The following BRINP3 variants were observed in gnomAD, a reference collection of about 807,000 sequenced individuals.
BRINP3 encodes BMP/retinoic acid inducible neural specific 3.
A neutral mutation model predicts 71.0 loss-of-function variants in BRINP3; 19 were observed. That is an observed-to-expected ratio of 0.27 (90% CI 0.19 to 0.39). The LOEUF is 0.39. Among genes scored for constraint, BRINP3 ranks in the 10% least tolerant of loss-of-function variants. The pLI, the probability that BRINP3 is intolerant of heterozygous loss-of-function variation, is 1.00. For synonymous variants in BRINP3, 380 were observed against 337.7 expected, an observed-to-expected ratio of 1.13 and a Z score of -1.37; for missense variants, 959 against 940.8, an observed-to-expected ratio of 1.02 and a Z score of -0.25.
In BRINP3 at chr1:190,301,198, C is replaced by CATATATATATATAT. The variant is rs1390064895; in HGVS notation, c.237-19449_237-19448insATATATATATATAT. On this transcript the variant is annotated intron_variant, in intron 2 of 7. Transcript: ENST00000367462. ...ATACATATATATATGTATATATATA[C>CATATATATATATAT]ACATACATATATATATATATATATA... is the stretch of plus-strand genomic sequence containing the variant. Among the ~76,000 whole-genome samples, 23 of 26,740 alleles carry CATATATATATATAT rather than the reference C, an allele frequency of 8.6e-4. No individual in the cohort carries two copies. The East Asian group carries it at 0.02, about 23-fold the overall frequency. 17.5% of individuals were successfully genotyped at this position (26,740 alleles called of 152,430 possible).
chr1:190,121,643 G>C (rs1386823475), intron 7 of BRINP3, among the ~76,000 whole-genome samples: 4 of 152,078 alleles, frequency 2.6e-5, no homozygotes, highest in Admixed American at 6.6e-5. Flanking sequence ...CCTTGCATAA[G>C]CATTAATATA....
At chr1:190,195,512 A>AT (rs1382973057) in intron 6 of BRINP3, among the ~76,000 whole-genome samples, 2 of 151,844 alleles carry the variant, frequency 1.3e-5, no homozygotes, top group Non-Finnish European at 2.9e-5. Flanking sequence ...AAATAATCTT[A>AT]TTTTTTTACT....
intron 2 of BRINP3, among the ~76,000 whole-genome samples, chr1:190,331,466 T>G (rs1218193003): frequency 6.6e-6 from 1 of 152,038 alleles, no homozygotes; most frequent in Non-Finnish European, 1.5e-5. Flanking sequence ...CTGATTCTCA[T>G]GCAGTGTATG....
intron 4 of BRINP3, among the ~76,000 whole-genome samples, chr1:190,250,892 G>T (rs757619607): frequency 2.7e-4 from 41 of 151,804 alleles, no homozygotes; most frequent in Admixed American, 5.9e-4. Context: ...TTTAATACAG[G>T]ATTCTTGTAT....
rs558777521 is a variant in BRINP3 at position 190,334,545 on chromosome 1, A to C, written c.237-52795T>G. 2.0e-5 allele frequency among the ~76,000 whole-genome samples: 3 copies of C among 151,916 alleles called. No individual in the cohort carries two copies. The South Asian group carries it at 6.2e-4, about 31-fold the overall frequency. ...AGGTGCATGACTCTTATCCTTGAAT[A>C]AGGTGAGATTATATTCACTATATAT... On this transcript the variant is annotated intron_variant, in intron 2 of 7. Coordinates refer to ENST00000367462, the MANE Select transcript of BRINP3 (RefSeq NM_199051.3).
At chr1:190,157,981 A>T (rs926713822) in intron 7 of BRINP3, among the ~76,000 whole-genome samples, 2 of 152,134 alleles carry the variant, frequency 1.3e-5, no homozygotes, top group African/African-American at 4.8e-5. Context: ...ATGCAGCTTG[A>T]GGCCATTATC....
intron 7 of BRINP3, among the ~76,000 whole-genome samples, chr1:190,144,049 TC>T (rs1403172701): frequency 6.6e-6 from 1 of 152,150 alleles, no homozygotes; most frequent in Non-Finnish European, 1.5e-5. Flanking sequence ...GGGAAAATCC[TC>T]CCTATTTGTT....
chr1:190,104,868 C>G (rs747192430), intron 7 of BRINP3, among the ~76,000 whole-genome samples: 1 of 152,078 alleles, frequency 6.6e-6, no homozygotes, highest in Non-Finnish European at 1.5e-5. Flanking sequence ...TCCTTTATTG[C>G]TCTCCAAATC....
At chr1:190,175,059 T>C (rs1652384464) in intron 6 of BRINP3, among the ~76,000 whole-genome samples, 1 of 152,172 alleles carries the variant, frequency 6.6e-6, no homozygotes, top group Non-Finnish European at 1.5e-5. Context: ...GAGAGCCCGA[T>C]GCTTTGCAGA....
intron 2 of BRINP3, among the ~76,000 whole-genome samples, chr1:190,327,048 T>A (rs1666626235): frequency 6.7e-6 from 1 of 149,072 alleles, no homozygotes. Context: ...TGGCACGGTG[T>A]CTCATGCCTG....
At chr1:190,100,041 T>G (rs982980048) in intron 7 of BRINP3, among the ~76,000 whole-genome samples, 13 of 152,198 alleles carry the variant, frequency 8.5e-5, no homozygotes, top group Admixed American at 6.5e-5. Flanking sequence ...ACTGCATGTA[T>G]GATCATGGGA....
intron 6 of BRINP3, among the ~76,000 whole-genome samples, chr1:190,193,860 A>G (rs948428612): frequency 6.6e-6 from 1 of 152,086 alleles, no homozygotes; most frequent in Non-Finnish European, 1.5e-5. Flanking sequence ...TAGGGCTCCT[A>G]TCTCCCAGGG....
intron 2 of BRINP3, among the ~76,000 whole-genome samples, chr1:190,285,847 A>T (rs1030118263): frequency 2.0e-5 from 3 of 152,118 alleles, no homozygotes; most frequent in African/African-American, 7.2e-5. Context: ...GTTGGATGTA[A>T]TTACCATAAT....
intron 6 of BRINP3, among the ~76,000 whole-genome samples, chr1:190,224,253 T>C (rs1203286816): frequency 6.6e-6 from 1 of 151,656 alleles, no homozygotes; most frequent in African/African-American, 2.4e-5. Flanking sequence ...TACAAAGCTA[T>C]CACAATCAAA....
chr1:190,176,082 G>A (rs964475003), intron 6 of BRINP3, among the ~76,000 whole-genome samples: 1 of 152,036 alleles, frequency 6.6e-6, no homozygotes, highest in East Asian at 1.9e-4. Flanking sequence ...AACTTAACAC[G>A]TTGCACCATA....
At chr1:190,129,371 T>C (rs535902836) in intron 7 of BRINP3, among the ~76,000 whole-genome samples, 1 of 151,958 alleles carries the variant, frequency 6.6e-6, no homozygotes, top group South Asian at 2.1e-4. Flanking sequence ...AGATTAAGAG[T>C]GCATGGAGAG....
In BRINP3 at chr1:190,160,702, G is replaced by A. The variant is rs779642322; in HGVS notation, c.1150C>T (p.His384Tyr). 3.3e-5 allele frequency: 54 copies of A among 1,613,228 alleles called. No homozygotes were observed. Among genetic ancestry groups the A allele is most frequent in the Non-Finnish European group, 4.5e-5 (53 of 1,179,616 alleles). ...HKLFSLSKRC[H>Y]KQPLISLPRQ... Reference sequence around the variant, plus strand: ...GGCAGGCTGATGAGGGGTTGTTTATGACACCTCTTGCTAAGGCTAAAAAGC... The same window carrying A: ...GGCAGGCTGATGAGGGGTTGTTTATAACACCTCTTGCTAAGGCTAAAAAGC... Residue 384 changes from histidine (H) to tyrosine (Y), a missense_variant, in exon 7 of 8, where the codon CAT (histidine) becomes TAT (tyrosine). Physicochemically the swap from His to Tyr is moderately conservative, Grantham distance 83. Transcript: ENST00000367462.
intron 1 of BRINP3, among the ~76,000 whole-genome samples, chr1:190,476,761 C>G (rs1677529331): frequency 6.6e-6 from 1 of 152,078 alleles, no homozygotes; most frequent in South Asian, 2.1e-4. Context: ...TGTTCACCAG[C>G]TAATTCACAA....
Position 190,098,598 on chromosome 1 carries a change from T to C in BRINP3, c.1721A>G (p.Asn574Ser), listed in dbSNP as rs1314859033. The change falls in exon 8 of 8, where the codon AAT becomes AGT. Residue 574 changes from asparagine to serine, a missense_variant. Asn to Ser is a conservative substitution (Grantham distance 46, BLOSUM62 1). Transcript: ENST00000367462. ...CTCAGAGTGGCTGCCTCCGAAGGGA[T>C]TGACATAAACAGCCAACACTGGCTC... ...TLEPVLAVYV[N>S]PFGGSHSESW... 1.9e-6 allele frequency: 3 copies of C among 1,614,152 alleles called. No individual in the cohort carries two copies. Among genetic ancestry groups the C allele is most frequent in the African/African-American group, 1.3e-5 (1 of 75,034 alleles).
Sources: gnomAD v4.1 joint callset for allele counts (sites outside exome capture counted in the v4.1 genomes callset) on GRCh38, gnomAD v4.1.1 for gene constraint, MANE v1.5 for transcripts, NCBI Gene and HGNC (gene_info 2026-07-23, HGNC 2026-07-21) for gene names.